Variants in VAPA observed in about 807,000 individuals in gnomAD.
VAPA encodes the protein VAMP associated protein A, also known as vesicle-associated membrane protein-associated protein A.
VAPA carries 6 observed loss-of-function variants against 25.6 expected under a neutral mutation model. The ratio of observed to expected loss-of-function variants is 0.23; its 90% CI spans 0.13 to 0.46. VAPA has a LOEUF of 0.46. VAPA is among the 20% of genes least tolerant of loss of function. The pLI, the probability that VAPA is intolerant of heterozygous loss-of-function variation, is 0.99. For missense variants in VAPA, 244 were observed against 302.1 expected (o/e 0.81, Z 1.43); for synonymous variants, 112 against 106.2 (o/e 1.05, Z -0.34).
intron 1 of VAPA, chr18:9,915,111 T>G (rs1298212944): frequency 6.6e-6 from 1 of 152,404 alleles, no homozygotes; most frequent in Non-Finnish European, 1.5e-5. Flanking sequence ...CGGAGAGTTG[T>G]AGGTTCATAG....
At position 9,951,306 on chromosome 18, in the gene VAPA, A is replaced by G. The variant is rs116409938; in HGVS notation, c.591+738A>G. 7.0e-3 allele frequency: 1,068 copies of G among 152,310 alleles called. 11 individuals are homozygous for G. The highest frequency in any genetic ancestry group is 0.02 in the Middle Eastern group (6 of 294). 9.4% of individuals were successfully genotyped at this position (152,310 alleles called of 1,614,324 possible). ...CCCTCCCGACACAGCACATACACACATTGACGTTTTGCTACTACAGCATAT... is the reference window on the plus strand; with the variant it reads ...CCCTCCCGACACAGCACATACACACGTTGACGTTTTGCTACTACAGCATAT... On this transcript the variant is annotated intron_variant, in intron 5 of 5. Transcript: ENST00000400000.
chr18:9,914,231 C>T lies in VAPA; in HGVS notation c.-26C>T, dbSNP rs1289980305. 2.6e-6 allele frequency: 4 copies of T among 1,564,988 alleles called. No individual in the cohort carries two copies. The highest frequency in any genetic ancestry group is 3.5e-6 in the Non-Finnish European group (4 of 1,157,934). ...AGTCAGCAAACCGCCGCCGCGGGCGCGCCCCCGCTCTGCGCTGTCTCTCCG... is the reference window on the plus strand; with the variant it reads ...AGTCAGCAAACCGCCGCCGCGGGCGTGCCCCCGCTCTGCGCTGTCTCTCCG... On this transcript the variant is annotated 5_prime_UTR_variant, in exon 1 of 6. Coordinates refer to ENST00000400000, the MANE Select transcript of VAPA (RefSeq NM_194434.3).
rs912079633 is a variant in VAPA, at chr18:9,914,489, C to A, written c.79+154C>A. 26 of 567,044 alleles carry A rather than the reference C, an allele frequency of 4.6e-5. 1 individual carries two copies. The highest frequency in any genetic ancestry group is 1.8e-4 in the Admixed American group (4 of 21,650). 35.1% of individuals were successfully genotyped at this position (567,044 alleles called of 1,614,324 possible). On this transcript the variant is annotated intron_variant, in intron 1 of 5. Coordinates refer to ENST00000400000, the MANE Select transcript of VAPA (RefSeq NM_194434.3). ...TTCCCTTTCCCGGCTGCTTTCTTGC[C>A]GCCACCTCGGCCGGCCTGCCCCTTG...
intron 1 of VAPA, among the ~76,000 whole-genome samples, chr18:9,927,682 T>C (rs2069212883): frequency 6.6e-6 from 1 of 152,144 alleles, no homozygotes; most frequent in Non-Finnish European, 1.5e-5. Flanking sequence ...TGACTGACTT[T>C]TGGGTGAGCT....
chr18:9,935,463 A>G (rs762250531), intron 2 of VAPA, among the ~76,000 whole-genome samples: 7 of 152,172 alleles, frequency 4.6e-5, no homozygotes, highest in African/African-American at 9.7e-5. Context: ...AGTCTTAGCT[A>G]TTTAGGAGCC....
chr18:9,945,591 C>T (rs1021884272), intron 4 of VAPA, among the ~76,000 whole-genome samples: 4 of 151,850 alleles, frequency 2.6e-5, no homozygotes, highest in South Asian at 2.1e-4. Context: ...CATTAAACTC[C>T]GACCTCAGGT....
At chr18:9,931,699 A>G (rs1399419315) in intron 1 of VAPA, 111 bp from the exon 2 acceptor site, 4 of 934,936 alleles carry the variant, frequency 4.3e-6, no homozygotes, top group South Asian at 2.0e-5. Flanking sequence ...ATTTATGCCT[A>G]CAAATGTCAG....
At chr18:9,942,395 A>G (rs2069374812) in intron 4 of VAPA, among the ~76,000 whole-genome samples, 1 of 152,118 alleles carries the variant, frequency 6.6e-6, no homozygotes, top group Admixed American at 6.5e-5. Flanking sequence ...CTCTCCTCAA[A>G]TATTGTAGAG....
intron 4 of VAPA, chr18:9,949,222 C>T (rs1332796371): frequency 6.6e-6 from 1 of 152,112 alleles, no homozygotes; most frequent in Non-Finnish European, 1.5e-5. Flanking sequence ...GAGAAAAACT[C>T]AGAGAATTGA....
chr18:9,951,064 CAA>C (rs1409710899), intron 5 of VAPA: 6 of 151,794 alleles, frequency 4.0e-5, no homozygotes, highest in African/African-American at 1.5e-4. Context: ...TGGGTTGAAT[CAA>C]ATATATTATT....
intron 4 of VAPA, chr18:9,949,192 A>C (rs1267785370): frequency 6.6e-6 from 1 of 152,182 alleles, no homozygotes; most frequent in Non-Finnish European, 1.5e-5. Context: ...AATGGGGGTG[A>C]AGAACAAAAA....
At chr18:9,947,899 A>C (rs916934901) in intron 4 of VAPA, 1 of 152,078 alleles carries the variant, frequency 6.6e-6, no homozygotes, top group South Asian at 2.1e-4. Context: ...TTACATATAC[A>C]TATATAGCAT....
chr18:9,942,901 TG>T (rs1347520205), intron 4 of VAPA, among the ~76,000 whole-genome samples: 1 of 152,136 alleles, frequency 6.6e-6, no homozygotes, highest in Non-Finnish European at 1.5e-5. Context: ...CAATTTGACA[TG>T]GGATTTGCCG....
chr18:9,922,356 G>A (rs563567927), intron 1 of VAPA, among the ~76,000 whole-genome samples: 135 of 152,198 alleles, frequency 8.9e-4, no homozygotes, highest in African/African-American at 3.1e-3. Context: ...ACCAAAAAAG[G>A]ACATTTTCTT....
At chr18:9,939,772 C>G (rs999021063) in intron 4 of VAPA, among the ~76,000 whole-genome samples, 2 of 152,130 alleles carry the variant, frequency 1.3e-5, no homozygotes, top group African/African-American at 4.8e-5. Flanking sequence ...GGTAAGGGTG[C>G]TACAGTTAAC....
chr18:9,923,076 TAAAAG>T (rs2069170782), intron 1 of VAPA, among the ~76,000 whole-genome samples: 1 of 152,242 alleles, frequency 6.6e-6, no homozygotes. Flanking sequence ...TCAATGCTTA[TAAAAG>T]AAACCTCCGT....
chr18:9,954,040 GT>G lies in VAPA; in HGVS notation c.592-5del. On this transcript the variant is annotated splice_polypyrimidine_tract_variant and intron_variant, in intron 5 of 5. Transcript: ENST00000400000. ...GTTTTTAAAAACCTTTTGTGTGTGT[GT>G]TTTTTTTCTAGGATGAAGGTTTAAG... The G allele has an allele frequency of 8.7e-6, 14 of 1,612,066 alleles. No homozygotes were observed. Among genetic ancestry groups the G allele is most frequent in the African/African-American group, 1.3e-5 (1 of 74,782 alleles).
intron 4 of VAPA, among the ~76,000 whole-genome samples, chr18:9,943,852 T>A (rs1226338014): frequency 5.5e-5 from 3 of 54,292 alleles, no homozygotes; most frequent in African/African-American, 2.5e-4. Context: ...TTTTTTTTTT[T>A]TTTTTTTTTT....
chr18:9,920,914 C>T (rs1042728043), intron 1 of VAPA, among the ~76,000 whole-genome samples: 3 of 152,194 alleles, frequency 2.0e-5, no homozygotes, highest in African/African-American at 7.2e-5. Context: ...ATCACTTCCT[C>T]TTGAGAAGTC....
Sources: gnomAD v4.1 joint callset for allele counts (sites outside exome capture counted in the v4.1 genomes callset) on GRCh38, gnomAD v4.1.1 for gene constraint, MANE v1.5 for transcripts, NCBI Gene and HGNC (gene_info 2026-07-23, HGNC 2026-07-21) for gene names.